Variants in CPLX4 observed in about 807,000 individuals in gnomAD.
CPLX4 encodes complexin-4.
In CPLX4, 17 loss-of-function variants were observed where a neutral mutation model predicts 16.1. The observed-to-expected ratio is 1.06, with a 90% CI of 0.72 to 1.59. The LOEUF (loss-of-function observed/expected upper bound fraction) is 1.59. Among genes scored for constraint, CPLX4 ranks in the 40% most tolerant of loss-of-function variants. CPLX4 has a pLI of 0.00. For missense variants in CPLX4, 193 were observed against 192.9 expected, an observed-to-expected ratio of 1.00 and a Z score of 0.00; for synonymous variants, 55 against 57.8, an observed-to-expected ratio of 0.95 and a Z score of 0.22.
chr18:59,307,070 C>T (rs1270016967), intron 2 of CPLX4, among the ~76,000 whole-genome samples: 1 of 152,142 alleles, frequency 6.6e-6, no homozygotes, highest in Non-Finnish European at 1.5e-5. Context: ...GTCAGACAGT[C>T]TGTTCAGTTC....
intron 2 of CPLX4, among the ~76,000 whole-genome samples, chr18:59,301,630 T>C (rs1341425608): frequency 6.6e-6 from 1 of 152,246 alleles, no homozygotes; most frequent in Non-Finnish European, 1.5e-5. Context: ...GCCTGTAGCC[T>C]CATTAGCTCT....
chr18:59,297,124 T>C (rs901031821), intron 2 of CPLX4, among the ~76,000 whole-genome samples, 199 bp from the exon 3 acceptor site: 1 of 152,044 alleles, frequency 6.6e-6, no homozygotes, highest in African/African-American at 2.4e-5. Flanking sequence ...GCACCTTGCG[T>C]CGATCAGAAC....
intron 2 of CPLX4, among the ~76,000 whole-genome samples, chr18:59,297,606 C>T (rs1358233618): frequency 6.6e-6 from 1 of 152,158 alleles, no homozygotes; most frequent in African/African-American, 2.4e-5. Context: ...GAATGTCTTT[C>T]TCTCTGTGAT....
intron 2 of CPLX4, among the ~76,000 whole-genome samples, chr18:59,299,463 G>A (rs1341255250): frequency 1.3e-5 from 2 of 152,198 alleles, no homozygotes; most frequent in East Asian, 3.9e-4. Context: ...TGGGCAGCTA[G>A]AGGGGCTAGA....
intron 2 of CPLX4, among the ~76,000 whole-genome samples, chr18:59,308,437 C>CA: frequency 6.6e-6 from 1 of 150,718 alleles, no homozygotes; most frequent in Non-Finnish European, 1.5e-5. Flanking sequence ...AACGCACGAT[C>CA]TGGTCCTTAA....
intron 2 of CPLX4, among the ~76,000 whole-genome samples, chr18:59,301,904 A>G (rs1181555892): frequency 2.6e-5 from 4 of 152,250 alleles, no homozygotes; most frequent in Admixed American, 1.3e-4. Context: ...TGAATGAGAC[A>G]TGCTGTGAAA....
intron 2 of CPLX4, among the ~76,000 whole-genome samples, chr18:59,306,715 C>A (rs1221386319): frequency 6.6e-6 from 1 of 152,176 alleles, no homozygotes; most frequent in African/African-American, 2.4e-5. Context: ...CTCATTAGAC[C>A]TGACAGCTCC....
At chr18:59,296,951 A>ATAAATAAC in intron 2 of CPLX4, 26 bp from the exon 3 acceptor site, 1 of 1,591,760 alleles carries the variant, frequency 6.3e-7, no homozygotes, top group Non-Finnish European at 8.5e-7. Context: ...ATAGAGATAG[A>ATAAATAAC]TAAATAACTC....
intron 2 of CPLX4, 75 bp downstream of exon 2, chr18:59,312,610 C>A: frequency 3.2e-6 from 2 of 628,366 alleles, no homozygotes; most frequent in Non-Finnish European, 5.7e-6. Context: ...GAACATGATC[C>A]TTTGTGGATA....
At chr18:59,297,481 T>C (rs943917274) in intron 2 of CPLX4, among the ~76,000 whole-genome samples, 3 of 152,112 alleles carry the variant, frequency 2.0e-5, no homozygotes, top group Admixed American at 6.5e-5. Flanking sequence ...GGTTTCACCA[T>C]GTTGGCCAGG....
At chr18:59,304,391 A>G (rs2144183126) in intron 2 of CPLX4, among the ~76,000 whole-genome samples, 1 of 152,316 alleles carries the variant, frequency 6.6e-6, no homozygotes, top group East Asian at 1.9e-4. Context: ...TTTAAAACAT[A>G]TTGCTTCCTC....
At chr18:59,302,179 C>G (rs191712690) in intron 2 of CPLX4, among the ~76,000 whole-genome samples, 2 of 152,368 alleles carry the variant, frequency 1.3e-5, no homozygotes, top group Admixed American at 1.3e-4. Flanking sequence ...ACCCTGCTGA[C>G]AGGACCTTGT....
At chr18:59,301,117 G>T (rs1455369893) in intron 2 of CPLX4, among the ~76,000 whole-genome samples, 1 of 152,204 alleles carries the variant, frequency 6.6e-6, no homozygotes, top group African/African-American at 2.4e-5. Context: ...CACTCCTCAG[G>T]CCTAGTCTGC....
chr18:59,305,239 A>G (rs1012449750), intron 2 of CPLX4, among the ~76,000 whole-genome samples: 6 of 152,114 alleles, frequency 3.9e-5, no homozygotes, highest in Non-Finnish European at 8.8e-5. Context: ...ACGAAGCAGG[A>G]GGAAGTGCTA....
At chr18:59,297,663 G>C (rs2070511082) in intron 2 of CPLX4, among the ~76,000 whole-genome samples, 1 of 152,164 alleles carries the variant, frequency 6.6e-6, no homozygotes, top group Non-Finnish European at 1.5e-5. Context: ...CTCTGCCTAA[G>C]GGCAGCTTTG....
In CPLX4 at chr18:59,312,430, G is replaced by C. The variant is rs902670011; in HGVS notation, c.255+255C>G. Among the ~76,000 whole-genome samples the C allele has an allele frequency of 1.6e-4, 22 of 136,280 alleles. No individual in the cohort carries two copies. In the East Asian group the frequency reaches 3.0e-3, roughly 18 times the overall value. The allele number at this position is 136,280 out of a possible 152,430, so 89.4% of individuals were successfully genotyped here. Reference sequence around the variant, plus strand: ...ATATATATATATATATCCTGAATATGTGTGTGTGTATATATATATATATAT... The same window carrying C: ...ATATATATATATATATCCTGAATATCTGTGTGTGTATATATATATATATAT... On this transcript the variant is annotated intron_variant, in intron 2 of 2. Coordinates refer to ENST00000299721, the MANE Select transcript of CPLX4 (RefSeq NM_181654.4).
intron 2 of CPLX4, among the ~76,000 whole-genome samples, chr18:59,306,997 C>T (rs541460064): frequency 1.3e-4 from 20 of 152,284 alleles, no homozygotes; most frequent in Admixed American, 3.9e-4. Context: ...AGGGAGGGGA[C>T]GGTTATTAGG....
intron 2 of CPLX4, among the ~76,000 whole-genome samples, chr18:59,311,579 T>C (rs935906051): frequency 2.6e-5 from 4 of 152,192 alleles, no homozygotes; most frequent in African/African-American, 9.6e-5. Flanking sequence ...CTTGGGATCA[T>C]GCCCTTTGGA....
intron 2 of CPLX4, among the ~76,000 whole-genome samples, chr18:59,305,261 G>C (rs778110596): frequency 6.6e-6 from 1 of 152,118 alleles, no homozygotes; most frequent in African/African-American, 2.4e-5. Flanking sequence ...TCCAGGCAGG[G>C]AGTAGTAGCA....
Sources: allele counts gnomAD v4.1 joint callset (sites outside exome capture counted in the v4.1 genomes callset), GRCh38; gene constraint gnomAD v4.1.1; transcripts MANE v1.5; gene names NCBI Gene and HGNC (gene_info 2026-07-23, HGNC 2026-07-21).